Variants in PPP1R9A observed in about 807,000 individuals in gnomAD.
PPP1R9A encodes the protein neurabin-1.
A neutral mutation model predicts 141.9 loss-of-function variants in PPP1R9A; 59 were observed. The observed-to-expected ratio is 0.42, with a 90% CI of 0.34 to 0.52. PPP1R9A has a LOEUF of 0.52. Ranked by LOEUF, PPP1R9A falls within the 20% of genes least tolerant of loss-of-function variation. PPP1R9A has a pLI of 0.10. For missense variants in PPP1R9A, 1,444 were observed against 1,611.9 expected (o/e 0.90, Z 1.78); for synonymous variants, 500 against 569.7 (o/e 0.88, Z 1.74).
intron 2 of PPP1R9A, among the ~76,000 whole-genome samples, chr7:95,032,220 C>T (rs899998352): frequency 5.3e-5 from 8 of 152,102 alleles, no homozygotes. Context: ...GGTATCCATC[C>T]GTGCTTCTCT....
intron 2 of PPP1R9A, among the ~76,000 whole-genome samples, chr7:94,919,301 A>ATTTTTTTTTTTTTTTTTTTTTTTTTTTTT (rs757456894): frequency 9.4e-6 from 1 of 106,200 alleles, no homozygotes; most frequent in Non-Finnish European, 1.9e-5. Flanking sequence ...GGATAATTAC[A>ATTTTTTTTTTTTTTTTTTTTTTTTTTTTT]TTTTTTTTTT....
chr7:94,990,714 C>A (rs1300232925), intron 2 of PPP1R9A, among the ~76,000 whole-genome samples: 2 of 151,862 alleles, frequency 1.3e-5, no homozygotes, highest in Non-Finnish European at 2.9e-5. Flanking sequence ...TGTGCTTCCC[C>A]TTCTTAGCAT....
rs1791277957 is a variant in PPP1R9A, at chr7:94,910,009, T to G, written c.-105T>G. On this transcript the variant is annotated 5_prime_UTR_variant, in exon 2 of 20. Transcript: ENST00000433360. The surrounding 1 kb of genome is among the most constrained non-coding windows in gnomAD (Gnocchi z 4.5). ...CTGACACCGTATACCATTTGAGAGG[T>G]ACTTTTCTTGACCCAATACTGGTGA... 2 of 939,452 alleles carry G rather than the reference T, an allele frequency of 2.1e-6. No homozygotes were observed. The highest frequency in any genetic ancestry group is 3.2e-6 in the Non-Finnish European group (2 of 622,082). The allele number at this position is 939,452 out of a possible 1,614,324, so 58.2% of individuals were successfully genotyped here.
chr7:95,069,116 G>T (rs1813399639), intron 2 of PPP1R9A, among the ~76,000 whole-genome samples: 1 of 152,022 alleles, frequency 6.6e-6, no homozygotes, highest in African/African-American at 2.4e-5. Flanking sequence ...ATAATGACAA[G>T]AAAAAAAGCC....
intron 5 of PPP1R9A, among the ~76,000 whole-genome samples, chr7:95,183,586 G>T (rs1004812362): frequency 2.0e-5 from 3 of 151,086 alleles, no homozygotes; most frequent in Admixed American, 2.0e-4. Context: ...GAGTAGGTGG[G>T]ACTATAGGCG....
chr7:95,264,644 A>T (rs1402561725), intron 12 of PPP1R9A, among the ~76,000 whole-genome samples: 1 of 152,126 alleles, frequency 6.6e-6, no homozygotes, highest in Non-Finnish European at 1.5e-5. Context: ...AGTCTCTCTC[A>T]CTCAAAACTG....
chr7:95,060,203 A>G (rs558302903), intron 2 of PPP1R9A, among the ~76,000 whole-genome samples: 1 of 152,280 alleles, frequency 6.6e-6, no homozygotes, highest in South Asian at 2.1e-4. Context: ...TACTTAGGAA[A>G]CTGAAATCTA....
chr7:95,031,191 T>C (rs911234539), intron 2 of PPP1R9A, among the ~76,000 whole-genome samples: 22 of 152,234 alleles, frequency 1.4e-4, no homozygotes, highest in African/African-American at 5.3e-4. Flanking sequence ...TTGTTTACTT[T>C]AATCAGTTGT....
At chr7:95,093,515 C>G (rs1239501114) in intron 2 of PPP1R9A, among the ~76,000 whole-genome samples, 1 of 152,048 alleles carries the variant, frequency 6.6e-6, no homozygotes, top group Non-Finnish European at 1.5e-5. Flanking sequence ...TTTAGCATTT[C>G]AAAATACATT....
intron 2 of PPP1R9A, among the ~76,000 whole-genome samples, chr7:94,948,606 A>AG: frequency 6.6e-6 from 1 of 152,252 alleles, no homozygotes; most frequent in South Asian, 2.1e-4. Context: ...AGATATACTA[A>AG]GGGGTAGAAA....
intron 4 of PPP1R9A, among the ~76,000 whole-genome samples, chr7:95,125,367 A>G (rs1272780096): frequency 6.6e-6 from 1 of 152,002 alleles, no homozygotes; most frequent in Non-Finnish European, 1.5e-5. Flanking sequence ...AGTAGCTTTT[A>G]ATTTAGTTGA....
At chr7:95,155,185 C>CTTTTTTTTTTTTT (rs57799059) in intron 4 of PPP1R9A, 1 of 119,514 alleles carries the variant, frequency 8.4e-6, no homozygotes, top group Non-Finnish European at 1.7e-5. Context: ...TTCTTTTTTT[C>CTTTTTTTTTTTTT]TTTTTTTTTT....
Position 95,101,408 on chromosome 7 carries a change from T to A in PPP1R9A, c.1396-9851T>A, listed in dbSNP as rs534935913. On this transcript the variant is annotated intron_variant, in intron 2 of 19. Transcript: ENST00000433360. ...ACTGATGTTACATGTCCATGTTAGG[T>A]CAAAGGGAAGCTCCTTGTATTCAGT... 1.9e-3 allele frequency among the ~76,000 whole-genome samples: 286 copies of A among 152,326 alleles called. 2 individuals are homozygous for A. The highest frequency in any genetic ancestry group is 6.5e-3 in the African/African-American group (269 of 41,588).
At chr7:95,266,196 T>A (rs1801257803) in intron 12 of PPP1R9A, among the ~76,000 whole-genome samples, 1 of 152,140 alleles carries the variant, frequency 6.6e-6, no homozygotes, top group Admixed American at 6.6e-5. Context: ...AGGAACCATG[T>A]TTACAAAAGT....
intron 2 of PPP1R9A, among the ~76,000 whole-genome samples, chr7:94,979,582 T>G (rs1799847540): frequency 6.6e-6 from 1 of 152,250 alleles, no homozygotes; most frequent in Admixed American, 6.5e-5. Context: ...TTCAGTTGAC[T>G]TAGAGTTACT....
chr7:94,951,070 AT>A, intron 2 of PPP1R9A, among the ~76,000 whole-genome samples: 1 of 152,174 alleles, frequency 6.6e-6, no homozygotes, highest in Non-Finnish European at 1.5e-5. Flanking sequence ...AAGGCAATTA[AT>A]TTTTGATACT....
chr7:95,162,752 A>G (rs1830630696), intron 5 of PPP1R9A, among the ~76,000 whole-genome samples: 1 of 152,242 alleles, frequency 6.6e-6, no homozygotes, highest in African/African-American at 2.4e-5. Context: ...TTCTGAAAAT[A>G]TTAATGAGTT....
intron 2 of PPP1R9A, among the ~76,000 whole-genome samples, chr7:95,088,827 G>T (rs1343350953): frequency 6.6e-6 from 1 of 151,966 alleles, no homozygotes; most frequent in East Asian, 1.9e-4. Flanking sequence ...GTGATTGCTT[G>T]TCTTTTAGTC....
At chr7:95,002,998 G>A (rs1222441081) in intron 2 of PPP1R9A, among the ~76,000 whole-genome samples, 1 of 152,118 alleles carries the variant, frequency 6.6e-6, no homozygotes, top group Non-Finnish European at 1.5e-5. Flanking sequence ...AGAGTTGCCA[G>A]TGTCATCATA....
Sources: gnomAD v4.1 joint callset for allele counts (sites outside exome capture counted in the v4.1 genomes callset) on GRCh38, gnomAD v4.1.1 for gene constraint, Gnocchi (gnomAD v3.1) non-coding constraint, MANE v1.5 for transcripts, NCBI Gene and HGNC (gene_info 2026-07-23, HGNC 2026-07-21) for gene names.